The following TJP1 variants were observed in gnomAD, a reference collection of about 807,000 sequenced individuals.
TJP1 encodes the protein tight junction protein 1.
Under a neutral mutation model 194.2 loss-of-function variants are expected in TJP1, and 43 were observed. The observed-to-expected ratio is 0.22, with a 90% confidence interval of 0.17 to 0.29. TJP1 has a LOEUF of 0.29. TJP1 is among the 10% of genes least tolerant of loss of function. The pLI is 1.00. For synonymous variants in TJP1, 801 were observed against 779.0 expected, an observed-to-expected ratio of 1.03 and a Z score of -0.47; for missense variants, 1,971 against 2,185.7, an observed-to-expected ratio of 0.90 and a Z score of 1.96.
chr15:29,890,383 G>A (rs1400965695), intron 2 of TJP1, among the ~76,000 whole-genome samples: 2 of 152,198 alleles, frequency 1.3e-5, no homozygotes, highest in African/African-American at 4.8e-5. Flanking sequence ...CTTTAAACTG[G>A]AAAAGGCTGG....
At chr15:29,783,240 C>T (rs925676632) in intron 2 of TJP1, among the ~76,000 whole-genome samples, 1 of 152,160 alleles carries the variant, frequency 6.6e-6, no homozygotes. Context: ...TGCCACTGCA[C>T]TCCAGCCTGG....
chr15:29,800,761 T>G, intron 1 of TJP1, 59 bp from the exon 2 acceptor site: 1 of 1,553,372 alleles, frequency 6.4e-7, no homozygotes, highest in Non-Finnish European at 8.8e-7. Context: ...CTTAATAAGG[T>G]GAGCAAGAAC....
At chr15:29,707,801 C>G (rs2041991302) in intron 25 of TJP1, among the ~76,000 whole-genome samples, 1 of 152,154 alleles carries the variant, frequency 6.6e-6, no homozygotes, top group African/African-American at 2.4e-5. Flanking sequence ...CATTGTGGAA[C>G]AAATAATGAA....
intron 18 of TJP1, among the ~76,000 whole-genome samples, chr15:29,724,394 A>C (rs533196635): frequency 2.0e-4 from 31 of 152,330 alleles, no homozygotes; most frequent in African/African-American, 7.2e-4. Context: ...TCTAATCTTT[A>C]ACTTGCCAGG....
intron 2 of TJP1, among the ~76,000 whole-genome samples, chr15:29,915,000 A>C (rs2054140559): frequency 6.6e-6 from 1 of 152,190 alleles, no homozygotes; most frequent in Non-Finnish European, 1.5e-5. Context: ...AAATGACTGC[A>C]AAAAAACTGT....
intron 1 of TJP1, among the ~76,000 whole-genome samples, 162 bp downstream of exon 1, chr15:29,821,840 G>GCCCGCGGCCCGCGGCCCGCGGC (rs2050386455): frequency 8.7e-6 from 1 of 115,598 alleles, no homozygotes; most frequent in Non-Finnish European, 2.0e-5. Flanking sequence ...GCTCCCCGCG[G>GCCCGCGGCCCGCGGCCCGCGGC]CCCGCGGCCC....
intron 1 of TJP1, among the ~76,000 whole-genome samples, chr15:29,816,689 A>G (rs947550302): frequency 2.0e-5 from 3 of 152,154 alleles, no homozygotes; most frequent in African/African-American, 4.8e-5. Flanking sequence ...AACAATCCCT[A>G]TATGTAATGA....
chr15:29,911,732 T>C (rs1380225732), intron 2 of TJP1, among the ~76,000 whole-genome samples: 1 of 152,220 alleles, frequency 6.6e-6, no homozygotes, highest in Non-Finnish European at 1.5e-5. Flanking sequence ...ACTTGAGATT[T>C]GGATGGGGAA....
intron 2 of TJP1, among the ~76,000 whole-genome samples, chr15:29,874,941 C>A (rs1216476622): frequency 6.6e-6 from 1 of 152,176 alleles, no homozygotes; most frequent in Admixed American, 6.5e-5. Flanking sequence ...CAATGAAAAC[C>A]ATTTTTTAAG....
chr15:29,855,743 T>C lies in TJP1; in HGVS notation c.307-55041A>G, dbSNP rs893932953. 9.2e-5 allele frequency among the ~76,000 whole-genome samples: 14 copies of C among 151,956 alleles called. 1 individual carries two copies. The highest frequency in any genetic ancestry group is 3.4e-4 in the African/African-American group (14 of 41,462). On this transcript the variant is annotated intron_variant, in intron 2 of 28. Coordinates refer to the TJP1 transcript ENST00000356107. ...TGGTGGCACGCGCCTGTAATCCCAGTTACTCAGGAGGCTGAGGCACGAGAA... is the reference window on the plus strand; with the variant it reads ...TGGTGGCACGCGCCTGTAATCCCAGCTACTCAGGAGGCTGAGGCACGAGAA...
intron 3 of TJP1, 87 bp downstream of exon 3, chr15:29,773,146 C>A: frequency 6.8e-7 from 1 of 1,479,400 alleles, no homozygotes; most frequent in Non-Finnish European, 9.2e-7. Flanking sequence ...ATGACAAAAT[C>A]ACTAAGACAG....
chr15:29,964,057 T>C (rs905441149), intron 1 of TJP1, among the ~76,000 whole-genome samples: 1 of 152,242 alleles, frequency 6.6e-6, no homozygotes, highest in Non-Finnish European at 1.5e-5. Context: ...GTAACTATTA[T>C]TTGTGCCTCA....
intron 5 of TJP1, among the ~76,000 whole-genome samples, chr15:29,764,980 G>T (rs1207600077): frequency 6.6e-6 from 1 of 152,144 alleles, no homozygotes; most frequent in Admixed American, 6.5e-5. Flanking sequence ...TGGAAAAAAA[G>T]ATTCTAGGAG....
At chr15:29,849,166 T>A (rs1423469692) in intron 2 of TJP1, among the ~76,000 whole-genome samples, 2 of 152,132 alleles carry the variant, frequency 1.3e-5, no homozygotes, top group Non-Finnish European at 2.9e-5. Context: ...GACCCTTGGC[T>A]AAAAAATAAT....
chr15:29,813,682 T>C (rs1349817239), intron 1 of TJP1, among the ~76,000 whole-genome samples: 6 of 152,160 alleles, frequency 3.9e-5, no homozygotes, highest in Non-Finnish European at 8.8e-5. Flanking sequence ...GAAGACAAGA[T>C]ACATGCAATC....
Position 29,741,377 on chromosome 15 carries a change from A to G in TJP1, c.1210T>C (p.Ser404Pro), listed in dbSNP as rs916752679. The G allele has an allele frequency of 3.7e-6, 6 of 1,600,642 alleles. No individual in the cohort carries two copies. The East Asian group carries it at 1.1e-4, about 30-fold the overall frequency. ...QPDVDLPVSP[S>P]DGVLPNSTHE... ...GTTGAATTAGGTAGGACACCATCAG[A>G]TGGACTGACAGGTAAATCCACATCT... The change falls in exon 10 of 28, where the codon TCT becomes CCT. Residue 404 changes from serine (S) to proline (P), a missense_variant. Ser to Pro is a moderately conservative substitution (Grantham distance 74). Transcript: ENST00000614355.
intron 8 of TJP1, among the ~76,000 whole-genome samples, chr15:29,756,568 C>T (rs1458989842): frequency 6.6e-6 from 1 of 152,140 alleles, no homozygotes; most frequent in South Asian, 2.1e-4. Context: ...AGTGAGGATA[C>T]TTTGTTCATC....
chr15:29,954,808 C>T (rs759827933), intron 2 of TJP1, among the ~76,000 whole-genome samples: 11 of 152,026 alleles, frequency 7.2e-5, no homozygotes, highest in African/African-American at 1.4e-4. Flanking sequence ...TGGCCGGGCA[C>T]GGTGGCTCAC....
rs761008156 is a variant in TJP1, at chr15:29,708,752, G to C, written c.4657C>G (p.Leu1553Val). The change falls in exon 25 of 28, where the codon CTG (leucine) becomes GTG (valine). Residue 1553 changes from leucine to valine, a missense_variant. By Grantham distance (32) the Leu-to-Val change is conservative. Around this residue, in one of 5 missense-constraint regions of TJP1, gnomAD observed 1,108 missense variants for 1,128.5 expected, o/e 0.98. Coordinates refer to ENST00000614355, the MANE Select transcript of TJP1 (RefSeq NM_001330239.4). ...GGTTTATGTGCAGTTTCACTTGGCAGAAGATTGTGATTGAATTTAGGACTT... is the reference window on the plus strand; with the variant it reads ...GGTTTATGTGCAGTTTCACTTGGCACAAGATTGTGATTGAATTTAGGACTT... ...FESPKFNHNLLPSETAHKPDL... is the reference protein window; with the variant it reads ...FESPKFNHNLVPSETAHKPDL... 5 of 1,614,228 alleles carry C rather than the reference G, an allele frequency of 3.1e-6. No homozygotes were observed. Among genetic ancestry groups the C allele is most frequent in the Non-Finnish European group, 4.2e-6 (5 of 1,180,048 alleles).
Sources: gnomAD v4.1 joint callset for allele counts (sites outside exome capture counted in the v4.1 genomes callset) on GRCh38, gnomAD v4.1.1 for gene constraint, gnomAD v4.1.1 regional missense constraint, MANE v1.5 for transcripts, NCBI Gene and HGNC (gene_info 2026-07-23, HGNC 2026-07-21) for gene names.